The following DIAPH2 variants were observed in gnomAD, a reference collection of about 807,000 sequenced individuals.
DIAPH2 encodes the protein protein diaphanous homolog 2.
Under a neutral mutation model 92.7 loss-of-function variants are expected in DIAPH2, and 35 were observed. The observed-to-expected ratio is 0.38, with a 90% CI of 0.29 to 0.50. DIAPH2 has a LOEUF of 0.50. DIAPH2 is among the 20% of genes least tolerant of loss of function. The probability of loss-of-function intolerance (pLI) is 0.94; values close to 1 mark genes in which losing one functional copy is unlikely to be tolerated. For missense variants in DIAPH2, 701 were observed against 819.5 expected (o/e 0.86, Z 1.77); for synonymous variants, 301 against 280.4 (o/e 1.07, Z -0.73).
chrX:97,495,095 A>T (rs1196734332), intron 26 of DIAPH2, among the ~76,000 whole-genome samples: 1 of 112,582 alleles, frequency 8.9e-6, no homozygotes, highest in African/African-American at 3.2e-5. Context: ...CCTGAGAAAG[A>T]AACTGTGGGC....
At chrX:96,912,615 T>C in intron 7 of DIAPH2, 63 bp downstream of exon 7, 1 of 1,065,670 alleles carries the variant, frequency 9.4e-7, no homozygotes, top group Non-Finnish European at 1.2e-6. Flanking sequence ...ACTATGAAAG[T>C]ATGAAATGAA....
At chrX:96,868,767 T>C (rs755822465) in intron 4 of DIAPH2, among the ~76,000 whole-genome samples, 17 of 111,726 alleles carry the variant, frequency 1.5e-4, no homozygotes, top group Non-Finnish European at 2.6e-4. Context: ...GGGAACTCAA[T>C]TCATGCTGAC....
At chrX:97,276,969 G>A (rs945721359) in intron 23 of DIAPH2, among the ~76,000 whole-genome samples, 1 of 112,364 alleles carries the variant, frequency 8.9e-6, no homozygotes, top group African/African-American at 3.2e-5. Flanking sequence ...ATCTAGAACT[G>A]TTTCTGCTAG....
chrX:97,209,479 A>G (rs972864695), intron 22 of DIAPH2, among the ~76,000 whole-genome samples: 1 of 111,468 alleles, frequency 9.0e-6, no homozygotes, highest in African/African-American at 3.2e-5. Flanking sequence ...TTAAATTCCT[A>G]TGACTCTGAA....
intron 4 of DIAPH2, among the ~76,000 whole-genome samples, chrX:96,820,337 G>A (rs1006473295): frequency 4.5e-5 from 5 of 111,460 alleles, no homozygotes; most frequent in Non-Finnish European, 7.5e-5. Flanking sequence ...GGGCATGGCG[G>A]TGCACGCCTG....
intron 4 of DIAPH2, among the ~76,000 whole-genome samples, chrX:96,764,866 G>A (rs181476417): frequency 9.0e-6 from 1 of 111,508 alleles, no homozygotes; most frequent in East Asian, 2.8e-4. Context: ...GTTAAATAAC[G>A]AGTTTGGGGA....
intron 26 of DIAPH2, among the ~76,000 whole-genome samples, chrX:97,479,197 C>T (rs748454829): frequency 4.4e-4 from 49 of 110,412 alleles, no homozygotes; most frequent in African/African-American, 1.6e-3. Flanking sequence ...CCTTTCTTCC[C>T]GACCCCACCC....
In DIAPH2 at chrX:97,532,736, C is replaced by A. The variant is rs150534021; in HGVS notation, c.3242-66517C>A. Among the ~76,000 whole-genome samples, 565 of 112,316 alleles carry A rather than the reference C, an allele frequency of 5.0e-3. 3 individuals carry two copies. Among genetic ancestry groups the A allele is most frequent in the African/African-American group, 0.017 (521 of 30,964 alleles). ...AGCATAATATGGAAACAATCTTAAA[C>A]TGGTAAATATTCCTTCTCCTTACTT... On this transcript the variant is annotated intron_variant, in intron 26 of 26. Transcript: ENST00000324765.
At chrX:97,175,580 C>T (rs989473370) in intron 22 of DIAPH2, among the ~76,000 whole-genome samples, 2 of 111,781 alleles carry the variant, frequency 1.8e-5, no homozygotes. Flanking sequence ...GCCTGAATGG[C>T]AAACTATATT....
At chrX:96,777,445 G>A (rs1252596979) in intron 4 of DIAPH2, among the ~76,000 whole-genome samples, 2 of 86,077 alleles carry the variant, frequency 2.3e-5, no homozygotes, top group Non-Finnish European at 4.3e-5. Flanking sequence ...GAGTGGATAT[G>A]TAGTACTAGA....
chrX:97,575,267 G>A (rs1442059885), intron 26 of DIAPH2, among the ~76,000 whole-genome samples: 1 of 112,735 alleles, frequency 8.9e-6, no homozygotes, highest in Non-Finnish European at 1.9e-5. Context: ...GAAGGATATG[G>A]CCCAGGCCTC....
intron 23 of DIAPH2, among the ~76,000 whole-genome samples, chrX:97,325,272 T>A (rs1204101234): frequency 8.9e-6 from 1 of 112,047 alleles, no homozygotes; most frequent in Non-Finnish European, 1.9e-5. Context: ...TTATGTCTGA[T>A]GAGTGCAATC....
intron 15 of DIAPH2, among the ~76,000 whole-genome samples, chrX:96,949,752 C>T (rs1269714351): frequency 1.9e-5 from 2 of 103,166 alleles, no homozygotes; most frequent in African/African-American, 3.5e-5. Context: ...CCCAGCTACT[C>T]GGGAGGCTGA....
chrX:97,024,735 A>G (rs770083111), intron 17 of DIAPH2, among the ~76,000 whole-genome samples: 1 of 112,398 alleles, frequency 8.9e-6, no homozygotes, highest in African/African-American at 3.2e-5. Context: ...CATTAAAGCC[A>G]GAATAAAATC....
chrX:96,715,405 G>T (rs1244402644), intron 1 of DIAPH2, among the ~76,000 whole-genome samples: 4 of 111,613 alleles, frequency 3.6e-5, no homozygotes, highest in Non-Finnish European at 7.5e-5. Flanking sequence ...TTATTAACAT[G>T]AATATTCACC....
chrX:96,835,232 G>A (rs2064879078), intron 4 of DIAPH2, among the ~76,000 whole-genome samples: 1 of 111,592 alleles, frequency 9.0e-6, no homozygotes, highest in Non-Finnish European at 1.9e-5. Context: ...GCAAATAAGG[G>A]AATAACAACA....
chrX:97,543,958 T>C (rs956308827), intron 26 of DIAPH2, among the ~76,000 whole-genome samples: 1 of 112,442 alleles, frequency 8.9e-6, no homozygotes, highest in Non-Finnish European at 1.9e-5. Context: ...AAACAAGTAC[T>C]ATGATTTCTC....
chrX:97,076,554 A>G (rs2066705988), intron 19 of DIAPH2, among the ~76,000 whole-genome samples: 1 of 111,733 alleles, frequency 8.9e-6, no homozygotes, highest in Non-Finnish European at 1.9e-5. Context: ...ACAAAACAAA[A>G]CAAAACAAAA....
intron 17 of DIAPH2, among the ~76,000 whole-genome samples, chrX:97,023,273 C>T (rs771983513): frequency 9.0e-6 from 1 of 110,821 alleles, no homozygotes; most frequent in South Asian, 3.8e-4. Flanking sequence ...CTAATATTTT[C>T]TTTCTGTTTA....
Sources: gnomAD v4.1 joint callset for allele counts (sites outside exome capture counted in the v4.1 genomes callset) on GRCh38, gnomAD v4.1.1 for gene constraint, MANE v1.5 for transcripts, NCBI Gene and HGNC (gene_info 2026-07-23, HGNC 2026-07-21) for gene names.